The following TENM3 variants were observed in gnomAD, a reference collection of about 807,000 sequenced individuals.
TENM3 encodes teneurin transmembrane protein 3, also known as teneurin-3.
Under a neutral mutation model 255.1 loss-of-function variants are expected in TENM3, and 63 were observed. The observed-to-expected ratio is 0.25, with a 90% confidence interval of 0.20 to 0.30. The LOEUF (loss-of-function observed/expected upper bound fraction) is 0.30. Ranked by LOEUF, TENM3 falls within the 10% of genes least tolerant of loss-of-function variation. TENM3 has a pLI of 1.00. For synonymous variants in TENM3, 1,306 were observed against 1,322.3 expected (o/e 0.99, Z 0.27); for missense variants, 2,929 against 3,461.1 (o/e 0.85, Z 3.86).
intron 3 of TENM3, among the ~76,000 whole-genome samples, chr4:182,404,097 TTTTCAATCACTG>T (rs1275625028): frequency 6.6e-6 from 1 of 152,236 alleles, no homozygotes; most frequent in South Asian, 2.1e-4. Flanking sequence ...CTAATTCCTT[TTTTCAATCACTG>T]TCAGTACAGT....
At chr4:181,605,488 A>G in the TENM3 span, among the ~76,000 whole-genome samples, 294 of 8,118 alleles carry the variant, frequency 0.036, 12 homozygotes, top group African/African-American at 0.099. Context: ...CAGAGAAAGA[A>G]AGAAAGAAAG....
the TENM3 span, among the ~76,000 whole-genome samples, chr4:181,851,604 GCA>G: frequency 6.6e-6 from 1 of 151,660 alleles, no homozygotes; most frequent in South Asian, 2.1e-4. Flanking sequence ...GCACGCAAAC[GCA>G]CACACGCACG....
intron 1 of TENM3, among the ~76,000 whole-genome samples, chr4:182,160,214 G>A (rs1751043824): frequency 2.0e-5 from 3 of 151,628 alleles, no homozygotes; most frequent in Admixed American, 6.6e-5. Context: ...GTGTTAGCCA[G>A]GATGGTCTCG....
the TENM3 span, among the ~76,000 whole-genome samples, chr4:182,013,542 G>A: frequency 8.5e-5 from 13 of 152,072 alleles, no homozygotes; most frequent in Admixed American, 3.9e-4. Flanking sequence ...CCTGAGCACC[G>A]CTTACTAATC....
chr4:182,539,049 T>G (rs1260301896), intron 3 of TENM3, among the ~76,000 whole-genome samples: 4 of 151,684 alleles, frequency 2.6e-5, no homozygotes, highest in Non-Finnish European at 5.9e-5. Flanking sequence ...AGATGATAAC[T>G]GACACTGTGC....
chr4:181,947,260 G>T, the TENM3 span, among the ~76,000 whole-genome samples: 2 of 152,156 alleles, frequency 1.3e-5, no homozygotes, highest in African/African-American at 2.4e-5. Context: ...ACGTACACTT[G>T]TGACAAAGTC....
intron 4 of TENM3, among the ~76,000 whole-genome samples, chr4:182,607,784 A>C (rs1581086229): frequency 6.6e-6 from 1 of 152,224 alleles, no homozygotes. Context: ...TAAATTGCAG[A>C]TACTGTATAT....
At chr4:182,496,236 C>T (rs1301127758) in intron 3 of TENM3, among the ~76,000 whole-genome samples, 2 of 152,108 alleles carry the variant, frequency 1.3e-5, no homozygotes, top group South Asian at 2.1e-4. Context: ...TGGAAGTCAC[C>T]ATTAAAGTAG....
chr4:182,717,952 G>A (rs188531179), intron 13 of TENM3, among the ~76,000 whole-genome samples: 2 of 152,088 alleles, frequency 1.3e-5, no homozygotes, highest in African/African-American at 4.8e-5. Flanking sequence ...CTGGAGTGGG[G>A]GTTAAGACAG....
chr4:182,066,185 C>G, the TENM3 span, among the ~76,000 whole-genome samples: 1 of 152,194 alleles, frequency 6.6e-6, no homozygotes, highest in Non-Finnish European at 1.5e-5. Context: ...TTCCAACCAT[C>G]CCACTGAGTA....
intron 2 of TENM3, 48 bp from the exon 3 acceptor site, chr4:182,346,603 C>A: frequency 9.9e-6 from 14 of 1,409,478 alleles, no homozygotes; most frequent in East Asian, 4.7e-5. Flanking sequence ...AAGAAACTAA[C>A]ACTGAACATA....
At chr4:182,564,494 C>T (rs1271373267) in intron 3 of TENM3, among the ~76,000 whole-genome samples, 1 of 151,930 alleles carries the variant, frequency 6.6e-6, no homozygotes, top group Non-Finnish European at 1.5e-5. Flanking sequence ...TAAGTCTTTT[C>T]ACCTCAATTA....
At chr4:182,184,406 G>A (rs182300431) in intron 1 of TENM3, among the ~76,000 whole-genome samples, 3 of 151,270 alleles carry the variant, frequency 2.0e-5, no homozygotes, top group South Asian at 2.1e-4. Context: ...TCCAAAAATT[G>A]CCCTTTCATC....
intron 1 of TENM3, among the ~76,000 whole-genome samples, chr4:182,314,080 A>G (rs1762603018): frequency 6.6e-6 from 1 of 152,124 alleles, no homozygotes; most frequent in Non-Finnish European, 1.5e-5. Flanking sequence ...GGGGAGTCCG[A>G]GGCAGGCAGA....
chr4:182,005,149 T>C, the TENM3 span, among the ~76,000 whole-genome samples: 1 of 152,246 alleles, frequency 6.6e-6, no homozygotes, highest in Non-Finnish European at 1.5e-5. Context: ...TGCCCATGCC[T>C]ATGTCCTGAA....
chr4:182,790,897 G>C lies in TENM3; in HGVS notation c.5602-1377G>C, dbSNP rs1239209398. Among the ~76,000 whole-genome samples, 13 of 152,212 alleles carry C rather than the reference G, an allele frequency of 8.5e-5. No homozygotes were observed. The East Asian group carries it at 2.5e-3, about 29-fold the overall frequency. On this transcript the variant is annotated intron_variant, in intron 25 of 27. Coordinates refer to ENST00000511685, the MANE Select transcript of TENM3 (RefSeq NM_001080477.4). ...GAGCCGCTGTCACAGAATGACAAAG[G>C]CAGTGACCAGGATCACCTGCATGCA...
chr4:182,173,360 A>G (rs1335256616), intron 1 of TENM3, among the ~76,000 whole-genome samples: 1 of 152,182 alleles, frequency 6.6e-6, no homozygotes, highest in Non-Finnish European at 1.5e-5. Flanking sequence ...TTCAGGGAAA[A>G]CACATCAGAA....
At chr4:181,698,189 G>A in the TENM3 span, among the ~76,000 whole-genome samples, 2 of 148,816 alleles carry the variant, frequency 1.3e-5, no homozygotes, top group Non-Finnish European at 1.5e-5. Context: ...ACTCCAGCCT[G>A]GGTGACAGTG....
chr4:181,881,709 A>AG, the TENM3 span, among the ~76,000 whole-genome samples: 1 of 152,156 alleles, frequency 6.6e-6, no homozygotes, highest in Non-Finnish European at 1.5e-5. Flanking sequence ...AGACTTACAG[A>AG]ACTATGACAG....
Sources: allele counts gnomAD v4.1 joint callset (sites outside exome capture counted in the v4.1 genomes callset), GRCh38; gene constraint gnomAD v4.1.1; transcripts MANE v1.5; gene names NCBI Gene and HGNC (gene_info 2026-07-23, HGNC 2026-07-21).